Variants in SYS1 observed in about 807,000 individuals in gnomAD.
SYS1 encodes protein SYS1 homolog.
Under a neutral mutation model 17.8 loss-of-function variants are expected in SYS1, and 8 were observed. The observed-to-expected ratio is 0.45, with a 90% CI of 0.26 to 0.81. The LOEUF (loss-of-function observed/expected upper bound fraction) is 0.81. SYS1 is among the 40% of genes least tolerant of loss of function. The pLI is 0.16. For synonymous variants in SYS1, 95 were observed against 90.9 expected, an observed-to-expected ratio of 1.05 and a Z score of -0.26; for missense variants, 161 against 203.9, an observed-to-expected ratio of 0.79 and a Z score of 1.28.
Position 45,367,382 on chromosome 20 carries a change from C to A in SYS1, c.*267C>A. 7.8e-7 allele frequency: 1 copy of A among 1,277,646 alleles called. No individual in the cohort carries two copies. Among genetic ancestry groups the A allele is most frequent in the East Asian group, 3.6e-5 (1 of 27,964 alleles). The allele number at this position is 1,277,646 out of a possible 1,614,324, so 79.1% of individuals were successfully genotyped here. The stretch of plus-strand genomic sequence containing the variant: ...TTGAGGGTAATAACAGAATTGGAAC[C>A]ATGCCACTCTTGAGCCACAATACCT... On this transcript the variant is annotated 3_prime_UTR_variant, in exon 4 of 4. Transcript: ENST00000243918.
chr20:45,362,696 C>T (rs1222818311), upstream of SYS1, among the ~76,000 whole-genome samples: 1 of 152,320 alleles, frequency 6.6e-6, no homozygotes, highest in Admixed American at 6.5e-5. Flanking sequence ...TACTTTGCTA[C>T]TAACTGTGTC....
intron 2 of SYS1, chr20:45,365,306 C>CCATAGTCAGCTGAACGCTGTTCTA (rs1318909635): frequency 9.2e-6 from 4 of 435,050 alleles, no homozygotes; most frequent in African/African-American, 2.0e-5. Flanking sequence ...GCCTATGGAG[C>CCATAGTCAGCTGAACGCTGTTCTA]CATAGTCAGC....
downstream of SYS1, chr20:45,374,013 T>G: frequency 6.2e-7 from 1 of 1,613,920 alleles, no homozygotes; most frequent in Non-Finnish European, 8.5e-7. Context: ...CACATCAACC[T>G]GCCAGCAGAA....
At chr20:45,374,363 C>T (rs1988656442) in exon 4 of SYS1, 4 of 657,922 alleles carry the variant, frequency 6.1e-6, no homozygotes, top group Admixed American at 2.5e-5. Flanking sequence ...GCCTCGACTC[C>T]TGGGCTTAAG....
chr20:45,375,428 T>C lies in SYS1; in HGVS notation c.*1134T>C, dbSNP rs763461109. Reference sequence around the variant, plus strand: ...GACTGCACCTGGGACTTCCACTCCTTGTACTCTTTTTTCTTAGGGTCCCCT... The same window carrying C: ...GACTGCACCTGGGACTTCCACTCCTCGTACTCTTTTTTCTTAGGGTCCCCT... On this transcript the variant is annotated 3_prime_UTR_variant, in exon 4 of 4. Coordinates refer to the SYS1 transcript ENST00000426004. 1.9e-6 allele frequency: 3 copies of C among 1,614,150 alleles called. No individual in the cohort carries two copies. In the Admixed American group the frequency reaches 5.0e-5, roughly 27 times the overall value.
rs1047425409 is a variant in SYS1, at chr20:45,368,894, C to T, written c.*1779C>T. The stretch of plus-strand genomic sequence containing the variant: ...GTGGTTACTCCATCTGTGGTTGGAG[C>T]GCCTCTTTGGGATTCACTTCAAGGT... On this transcript the variant is annotated 3_prime_UTR_variant, in exon 4 of 4. Coordinates refer to ENST00000243918, the MANE Select transcript of SYS1 (RefSeq NM_033542.4). 9 of 984,770 alleles carry T rather than the reference C, an allele frequency of 9.1e-6. No individual in the cohort carries two copies. The Admixed American group carries it at 1.8e-4, about 20-fold the overall frequency. 61.0% of individuals were successfully genotyped at this position (984,770 alleles called of 1,614,324 possible).
At chr20:45,375,000 G>T in exon 4 of SYS1, 1 of 1,584,946 alleles carries the variant, frequency 6.3e-7, no homozygotes, top group Non-Finnish European at 8.6e-7. Flanking sequence ...CTTGGGGCTT[G>T]CATCTCACCT....
rs954675778 is a variant in SYS1, at chr20:45,368,210, C to G, written c.*1095C>G. 9.1e-6 allele frequency: 9 copies of G among 985,346 alleles called. No homozygotes were observed. Among genetic ancestry groups the G allele is most frequent in the Admixed American group, 1.2e-4 (2 of 16,254 alleles). The allele number at this position is 985,346 out of a possible 1,614,324, so 61.0% of individuals were successfully genotyped here. Reference sequence around the variant, plus strand: ...CTTTAAAGAATTATTAGGCCACCTTCTCCCTTTCCTGGACCCCAGAGTCAT... The same window carrying G: ...CTTTAAAGAATTATTAGGCCACCTTGTCCCTTTCCTGGACCCCAGAGTCAT... On this transcript the variant is annotated 3_prime_UTR_variant, in exon 4 of 4. Coordinates refer to ENST00000243918, the MANE Select transcript of SYS1 (RefSeq NM_033542.4).
Position 45,368,730 on chromosome 20 carries a change from G to A in SYS1, c.*1615G>A, listed in dbSNP as rs527731637. The A allele has an allele frequency of 1.0e-6, 1 of 985,424 alleles. No individual in the cohort carries two copies. Among genetic ancestry groups the A allele is most frequent in the East Asian group, 1.1e-4 (1 of 8,808 alleles). The allele number at this position is 985,424 out of a possible 1,614,324, so 61.0% of individuals were successfully genotyped here. On this transcript the variant is annotated 3_prime_UTR_variant, in exon 4 of 4. Coordinates refer to ENST00000243918, the MANE Select transcript of SYS1 (RefSeq NM_033542.4). ...GAGGCACAGTAATCCTGGCTGCAGG[G>A]TCTAGGAGGTAAGACCAGCTGGGAT...
upstream of SYS1, among the ~76,000 whole-genome samples, chr20:45,362,312 G>A (rs1011215022): frequency 6.6e-6 from 1 of 152,046 alleles, no homozygotes; most frequent in African/African-American, 2.4e-5. Flanking sequence ...GAGTAGGTGC[G>A]AAATCAATGT....
rs1462839069 is a variant in SYS1 at position 45,368,164 on chromosome 20, C to T, written c.*1049C>T. On this transcript the variant is annotated 3_prime_UTR_variant, in exon 4 of 4. Coordinates refer to ENST00000243918, the MANE Select transcript of SYS1 (RefSeq NM_033542.4). Reference sequence around the variant, plus strand: ...TGCCACGGTTGAGATTGAGAGAGATCAGCGCAGCCAGGCAAGGGAACTTTA... The same window carrying T: ...TGCCACGGTTGAGATTGAGAGAGATTAGCGCAGCCAGGCAAGGGAACTTTA... 1.0e-6 allele frequency: 1 copy of T among 985,278 alleles called. No homozygotes were observed. The highest frequency in any genetic ancestry group is 1.2e-6 in the Non-Finnish European group (1 of 829,928). The allele number at this position is 985,278 out of a possible 1,614,324, so 61.0% of individuals were successfully genotyped here. A position where few individuals can be genotyped will look rare whatever the true frequency, so the allele number is the denominator to read the frequency against.
chr20:45,375,358 C>A (rs181280610), exon 4 of SYS1: 3 of 1,614,012 alleles, frequency 1.9e-6, no homozygotes, highest in Admixed American at 3.3e-5. Flanking sequence ...CTTTTCTTTC[C>A]GTGGCATTGC....
chr20:45,367,979 CCTT>C lies in SYS1; in HGVS notation c.*867_*869del. 2 of 985,442 alleles carry C rather than the reference CCTT, an allele frequency of 2.0e-6. No homozygotes were observed. Among genetic ancestry groups the C allele is most frequent in the Non-Finnish European group, 2.4e-6 (2 of 829,930 alleles). The allele number at this position is 985,442 out of a possible 1,614,324, so 61.0% of individuals were successfully genotyped here. ...GGGTTCCCAGAGACAAGAAGCCCAA[CCTT>C]CTGGCCTGGGCTGTGCTGATAGTGC... On this transcript the variant is annotated 3_prime_UTR_variant, in exon 4 of 4. Coordinates refer to ENST00000243918, the MANE Select transcript of SYS1 (RefSeq NM_033542.4).
downstream of SYS1, among the ~76,000 whole-genome samples, chr20:45,372,358 C>T (rs533004359): frequency 1.3e-5 from 2 of 152,346 alleles, no homozygotes; most frequent in Non-Finnish European, 2.9e-5. Context: ...GGCCCAACTC[C>T]GGCTCTCTGG....
upstream of SYS1, chr20:45,363,104 A>ACGCCTGCGCAACCTCAGCCCCG: frequency 9.9e-7 from 1 of 1,008,710 alleles, no homozygotes. Flanking sequence ...TGCACCCACT[A>ACGCCTGCGCAACCTCAGCCCCG]CGCCTGCGCA....
In SYS1 at chr20:45,366,935, T is replaced by C; in HGVS notation, c.291T>C (p.Thr97=). ...RGKQCLDFTV[T]VHFFHLLGCW... Reference sequence around the variant, plus strand: ...AGCAGTGTCTGGATTTCACTGTCACTGTCCATTTCTTTCACCTCCTGGGCT... The same window carrying C: ...AGCAGTGTCTGGATTTCACTGTCACCGTCCATTTCTTTCACCTCCTGGGCT... The change falls in exon 4 of 4, where the codon ACT becomes ACC. Residue 97 remains threonine, a synonymous_variant. Coordinates refer to ENST00000243918, the MANE Select transcript of SYS1 (RefSeq NM_033542.4). 6.2e-7 allele frequency: 1 copy of C among 1,614,208 alleles called. No homozygotes were observed. The highest frequency in any genetic ancestry group is 8.5e-7 in the Non-Finnish European group (1 of 1,180,030).
At position 45,365,646 on chromosome 20, in the gene SYS1, C is replaced by T. The variant is rs187596071; in HGVS notation, c.190C>T (p.Arg64Trp). ...CCTGGGCTTTTCCACCCCTCCAGGC[C>T]GGCTCTCCATGATGTCCTTCATCCT... ...EILGFSTPPG[R>W]LSMMSFILNA... Residue 64 changes from arginine to tryptophan, a missense_variant, in exon 3 of 4, where the codon CGG becomes TGG. By Grantham distance (101) the Arg-to-Trp change is moderately radical (BLOSUM62 -3). Coordinates refer to ENST00000243918, the MANE Select transcript of SYS1 (RefSeq NM_033542.4). The T allele has an allele frequency of 6.2e-6, 10 of 1,614,166 alleles. No homozygotes were observed. Among genetic ancestry groups the T allele is most frequent in the East Asian group, 2.2e-5 (1 of 44,880 alleles).
chr20:45,375,215 G>A (rs894356487), exon 4 of SYS1: 2 of 1,614,062 alleles, frequency 1.2e-6, no homozygotes, highest in Non-Finnish European at 1.7e-6. Flanking sequence ...TGCTTCATGT[G>A]CCCCATGGGA....
chr20:45,362,625 CA>C (rs1428050346), upstream of SYS1, among the ~76,000 whole-genome samples: 1 of 152,198 alleles, frequency 6.6e-6, no homozygotes, highest in African/African-American at 2.4e-5. Context: ...CTCAGCCTCC[CA>C]AAGTGCTGGG....
Sources: allele counts gnomAD v4.1 joint callset (sites outside exome capture counted in the v4.1 genomes callset), GRCh38; gene constraint gnomAD v4.1.1; transcripts MANE v1.5; gene names NCBI Gene and HGNC (gene_info 2026-07-23, HGNC 2026-07-21).